ATRX: variants seen among roughly 807,000 people sequenced by gnomAD.
ATRX encodes the protein chromatin remodeler ATRX.
A neutral mutation model predicts 172.6 loss-of-function variants in ATRX; 12 were observed. The observed-to-expected ratio is 0.07, with a 90% confidence interval of 0.04 to 0.11. ATRX has a LOEUF of 0.11. Among genes scored for constraint, ATRX ranks in the 10% least tolerant of loss-of-function variants. ATRX has a pLI of 1.00. For synonymous variants in ATRX, 674 were observed against 594.7 expected (o/e 1.13, Z -1.94); for missense variants, 1,368 against 1,767.4 (o/e 0.77, Z 4.05).
At chrX:77,664,478 T>C (rs1167837088) in intron 11 of ATRX, among the ~76,000 whole-genome samples, 167 bp downstream of exon 11, 2 of 111,189 alleles carry the variant, frequency 1.8e-5, no homozygotes, top group African/African-American at 3.3e-5. Context: ...CTCAAACTCT[T>C]AACCTCAAGT....
At chrX:77,717,438 C>G (rs782188934) in intron 1 of ATRX, among the ~76,000 whole-genome samples, 195 bp from the exon 2 acceptor site, 2 of 109,515 alleles carry the variant, frequency 1.8e-5, no homozygotes, top group South Asian at 7.7e-4. Context: ...AATTTTAGGC[C>G]AGGTGTGGTG....
intron 22 of ATRX, among the ~76,000 whole-genome samples, chrX:77,615,204 G>T (rs2067308080): frequency 9.0e-6 from 1 of 110,533 alleles, no homozygotes; most frequent in South Asian, 3.9e-4. Flanking sequence ...TCACTATGCT[G>T]CCCAGGCTAG....
Position 77,683,956 on chromosome X carries a change from C to T in ATRX, c.1300G>A (p.Val434Ile). Reference protein sequence around the residue: ...NKEKNTKEHKVIDAKFETKAR... With the variant: ...NKEKNTKEHKIIDAKFETKAR... ...TTTGTTTCAAACTTAGCATCTATGA[C>T]TTTATGCTCTTTGGTATTTTTCTCT... Residue 434 changes from valine (V) to isoleucine (I), a missense_variant, in exon 9 of 35, where the codon GTC becomes ATC. Transcript: ENST00000373344. The T allele has an allele frequency of 8.3e-7, 1 of 1,209,598 alleles. No individual in the cohort carries two copies. Among genetic ancestry groups the T allele is most frequent in the Non-Finnish European group, 1.1e-6 (1 of 894,052 alleles).
At chrX:77,698,803 C>A (rs782549882) in intron 2 of ATRX, 174 bp from the exon 3 acceptor site, 2 of 460,292 alleles carry the variant, frequency 4.3e-6, no homozygotes, top group Non-Finnish European at 7.8e-6. Context: ...AATCACTCTC[C>A]TTTTGCATAC....
At chrX:77,596,644 A>G (rs1460131554) in intron 25 of ATRX, 1 of 111,195 alleles carries the variant, frequency 9.0e-6, no homozygotes, top group East Asian at 2.8e-4. Flanking sequence ...TTGGGCTCAC[A>G]ACATGTAGCC....
chrX:77,621,597 C>T (rs1602895922), intron 19 of ATRX, among the ~76,000 whole-genome samples: 1 of 112,501 alleles, frequency 8.9e-6, no homozygotes, highest in Non-Finnish European at 1.9e-5. Flanking sequence ...CGGCATAAGC[C>T]ACCACGCCCA....
At chrX:77,530,793 G>GA (rs1186576609) in intron 30 of ATRX, among the ~76,000 whole-genome samples, 9 of 102,653 alleles carry the variant, frequency 8.8e-5, no homozygotes, top group East Asian at 3.0e-4. Context: ...AAACCCCTAA[G>GA]AAAAAAAAAA....
chrX:77,550,812 A>G, intron 30 of ATRX, among the ~76,000 whole-genome samples: 1 of 111,787 alleles, frequency 8.9e-6, no homozygotes, highest in East Asian at 2.8e-4. Context: ...GCATTCCTAT[A>G]CACTAATAAG....
At chrX:77,778,528 C>G (rs782399973) in intron 1 of ATRX, among the ~76,000 whole-genome samples, 1 of 110,430 alleles carries the variant, frequency 9.1e-6, no homozygotes, top group South Asian at 3.8e-4. Flanking sequence ...CAAGACCATC[C>G]TGGCCAACAC....
chrX:77,688,493 T>C (rs782534699), intron 7 of ATRX, among the ~76,000 whole-genome samples: 26 of 111,611 alleles, frequency 2.3e-4, no homozygotes, highest in African/African-American at 8.5e-4. Flanking sequence ...CAACTACCAG[T>C]ATCTGAATAC....
At chrX:77,521,666 T>C (rs1049788920) in intron 32 of ATRX, 168 bp from the exon 33 acceptor site, 8 of 403,037 alleles carry the variant, frequency 2.0e-5, no homozygotes, top group Non-Finnish European at 3.5e-5. Flanking sequence ...ACCATATCAA[T>C]GCTCAAAGAG....
intron 1 of ATRX, among the ~76,000 whole-genome samples, chrX:77,767,065 C>T (rs1288862709): frequency 3.6e-5 from 4 of 111,335 alleles, no homozygotes; most frequent in Non-Finnish European, 7.6e-5. Context: ...CAAAAAAATA[C>T]GAAAACCAGT....
At chrX:77,707,783 T>C (rs2072909041) in intron 2 of ATRX, among the ~76,000 whole-genome samples, 1 of 111,465 alleles carries the variant, frequency 9.0e-6, no homozygotes, top group Non-Finnish European at 1.9e-5. Context: ...GAATAGAAGT[T>C]TCTCCAAGGA....
chrX:77,537,528 A>G (rs999634766), intron 30 of ATRX, among the ~76,000 whole-genome samples: 7 of 110,638 alleles, frequency 6.3e-5, no homozygotes, highest in African/African-American at 2.3e-4. Flanking sequence ...CCCTCACCTT[A>G]AAAAGAAAAA....
At chrX:77,600,725 G>C in intron 22 of ATRX, 161 bp from the exon 23 acceptor site, 1 of 474,168 alleles carries the variant, frequency 2.1e-6, no homozygotes, top group Non-Finnish European at 3.4e-6. Flanking sequence ...AAAACAAATA[G>C]GATTACAAAA....
chrX:77,664,533 G>A (rs191855391), intron 11 of ATRX, 112 bp downstream of exon 11: 2 of 1,049,559 alleles, frequency 1.9e-6, no homozygotes, highest in Non-Finnish European at 2.6e-6. Context: ...TTATAGGCGT[G>A]AGCCACCACG....
chrX:77,697,629 T>C lies in ATRX; in HGVS notation c.196A>G (p.Ser66Gly). The C allele has an allele frequency of 2.5e-6, 3 of 1,208,871 alleles. No homozygotes were observed. Among genetic ancestry groups the C allele is most frequent in the Non-Finnish European group, 3.4e-6 (3 of 893,304 alleles). The stretch of plus-strand genomic sequence containing the variant: ...GAAGACTTGGATTTTTCTGAAGAGC[T>C]AGTTCCCTAGATGTGAGACATAAAT... Reference protein sequence around the residue: ...MMENSKEEGTSSSEKSKSSGS... With the variant: ...MMENSKEEGTGSSEKSKSSGS... The change falls in exon 4 of 35, where the codon AGC (serine) becomes GGC (glycine). Residue 66 changes from serine (S) to glycine (G), a missense_variant. Coordinates refer to ENST00000373344, the MANE Select transcript of ATRX (RefSeq NM_000489.6).
chrX:77,538,720 T>C (rs782704863), intron 30 of ATRX, among the ~76,000 whole-genome samples: 1 of 111,610 alleles, frequency 9.0e-6, no homozygotes, highest in South Asian at 3.7e-4. Flanking sequence ...ATTGTGAGGA[T>C]CAAATAATGT....
intron 1 of ATRX, among the ~76,000 whole-genome samples, chrX:77,744,944 C>T (rs1218642222): frequency 6.5e-5 from 7 of 108,377 alleles, no homozygotes; most frequent in Admixed American, 3.0e-4. Flanking sequence ...TGCAGTGAGC[C>T]GAGATCGCAC....
Sources: allele counts gnomAD v4.1 joint callset (sites outside exome capture counted in the v4.1 genomes callset), GRCh38; gene constraint gnomAD v4.1.1; transcripts MANE v1.5; gene names NCBI Gene and HGNC (gene_info 2026-07-23, HGNC 2026-07-21).